Variants in NKIRAS1 observed in about 807,000 individuals in gnomAD.
The protein encoded by NKIRAS1 is NF-kappa-B inhibitor-interacting Ras-like protein 1.
NKIRAS1 carries 16 observed loss-of-function variants against 19.8 expected under a neutral mutation model. The ratio of observed to expected loss-of-function variants is 0.81; its 90% CI spans 0.55 to 1.23. NKIRAS1 has a LOEUF of 1.23. Ranked by LOEUF, NKIRAS1 falls within the 50% of genes most tolerant of loss-of-function variation. The probability of loss-of-function intolerance (pLI) is 0.00; values close to 1 mark genes in which losing one functional copy is unlikely to be tolerated. For missense variants in NKIRAS1, 184 were observed against 220.0 expected (o/e 0.84, Z 1.04); for synonymous variants, 88 against 79.0 (o/e 1.11, Z -0.61).
rs5847260 is a variant in NKIRAS1 at position 23,914,171 on chromosome 3, T to TA, written c.-140+2612dup. On this transcript the variant is annotated intron_variant, in intron 1 of 4. Coordinates refer to ENST00000425478, the MANE Select transcript of NKIRAS1 (RefSeq NM_020345.4). ...CAACCTCCTCTCTCCAACTTGAGGC[T>TA]AAAAAAAAAAAAAAACAGAGAGTAA... Among the ~76,000 whole-genome samples, 150 of 144,748 alleles carry TA rather than the reference T, an allele frequency of 1.0e-3. 2 individuals carry two copies. Among genetic ancestry groups the TA allele is most frequent in the East Asian group, 1.4e-3 (7 of 4,860 alleles). The allele number at this position is 144,748 out of a possible 152,430, so 95.0% of individuals were successfully genotyped here. A position where few individuals can be genotyped will look rare whatever the true frequency, so the allele number is the denominator to read the frequency against.
intron 1 of NKIRAS1, among the ~76,000 whole-genome samples, chr3:23,936,650 G>A (rs1376908488): frequency 1.3e-5 from 2 of 152,030 alleles, no homozygotes; most frequent in Admixed American, 6.6e-5. Flanking sequence ...GGGTTCAAGC[G>A]ATTCTCCTGC....
chr3:23,921,572 T>TGTG, upstream of NKIRAS1: 5 of 294,194 alleles, frequency 1.7e-5, no homozygotes, highest in African/African-American at 7.1e-5. Flanking sequence ...ATTATTGAGT[T>TGTG]TTTTTTTTTT....
At chr3:23,946,178 A>AGCCCCCGCGGCGGGGC in intron 1 of NKIRAS1, 1 of 985,208 alleles carries the variant, frequency 1.0e-6, no homozygotes, top group African/African-American at 1.7e-5. Flanking sequence ...GCGCCCGCTG[A>AGCCCCCGCGGCGGGGC]GCCCCCGCGG....
At chr3:23,902,361 C>T (rs1702606106) in intron 3 of NKIRAS1, among the ~76,000 whole-genome samples, 1 of 152,096 alleles carries the variant, frequency 6.6e-6, no homozygotes, top group East Asian at 1.9e-4. Context: ...CAAAAATTTA[C>T]TTTCATCAAC....
intron 3 of NKIRAS1, among the ~76,000 whole-genome samples, chr3:23,909,854 G>GTT (rs899380466): frequency 1.5e-5 from 2 of 133,424 alleles, no homozygotes; most frequent in African/African-American, 5.3e-5. Flanking sequence ...AGTTGTTTTT[G>GTT]TTTTTTTTTG....
At chr3:23,935,055 T>C (rs958457820) in intron 1 of NKIRAS1, among the ~76,000 whole-genome samples, 5 of 152,282 alleles carry the variant, frequency 3.3e-5, no homozygotes, top group African/African-American at 1.2e-4. Flanking sequence ...CTCAGTTCTT[T>C]TTATTTTTAT....
At chr3:23,912,677 A>C (rs537881237) in intron 1 of NKIRAS1, among the ~76,000 whole-genome samples, 4 of 152,316 alleles carry the variant, frequency 2.6e-5, no homozygotes, top group Admixed American at 1.3e-4. Context: ...TTGACCCAGT[A>C]ATCCCATTAC....
At chr3:23,939,699 G>T (rs561779853) in intron 1 of NKIRAS1, among the ~76,000 whole-genome samples, 2 of 152,222 alleles carry the variant, frequency 1.3e-5, no homozygotes, top group Admixed American at 6.5e-5. Flanking sequence ...AGCTGAGATC[G>T]TGCCACTGCA....
intron 1 of NKIRAS1, among the ~76,000 whole-genome samples, chr3:23,944,370 C>G (rs1301722465): frequency 6.6e-6 from 1 of 152,188 alleles, no homozygotes; most frequent in African/African-American, 2.4e-5. Context: ...ACAAGCAACA[C>G]CCATATCCCC....
At chr3:23,921,632 T>A (rs1173026348), upstream of NKIRAS1, 2 of 608,592 alleles carry the variant, frequency 3.3e-6, no homozygotes, top group African/African-American at 2.0e-5. Flanking sequence ...GGGAGTGCAG[T>A]GGGGCAATCA....
At chr3:23,945,478 C>A in intron 1 of NKIRAS1, 1 of 715,206 alleles carries the variant, frequency 1.4e-6, no homozygotes, top group Non-Finnish European at 1.8e-6. Flanking sequence ...CCCGCGACCA[C>A]CGCTGCTTCC....
chr3:23,905,080 C>T (rs1047404671), intron 3 of NKIRAS1, among the ~76,000 whole-genome samples: 6 of 152,268 alleles, frequency 3.9e-5, no homozygotes, highest in African/African-American at 1.2e-4. Flanking sequence ...CTTCCCACCT[C>T]GGCCTCCCAA....
intron 1 of NKIRAS1, among the ~76,000 whole-genome samples, chr3:23,933,881 C>G (rs1575132333): frequency 6.6e-6 from 1 of 152,158 alleles, no homozygotes; most frequent in East Asian, 1.9e-4. Context: ...GTCTCTGCTT[C>G]CAAGATGGCG....
At chr3:23,908,210 C>T (rs910523779) in intron 3 of NKIRAS1, among the ~76,000 whole-genome samples, 1 of 152,114 alleles carries the variant, frequency 6.6e-6, no homozygotes, top group Non-Finnish European at 1.5e-5. Context: ...AAAAACTCTG[C>T]TTGGGTAAAA....
At chr3:23,920,304 C>G (rs1436418192), upstream of NKIRAS1, 1 of 985,610 alleles carries the variant, frequency 1.0e-6, no homozygotes, top group African/African-American at 1.7e-5. Context: ...CATTCTTAGT[C>G]CAGTCAGTCT....
chr3:23,945,405 AGCCTGCTGTGCGCTGCACG>A (rs1049283299), intron 1 of NKIRAS1: 2 of 190,720 alleles, frequency 1.0e-5, no homozygotes, highest in African/African-American at 2.4e-5. Flanking sequence ...CTCTCGCTGC[AGCCTGCTGTGCGCTGCACG>A]GCCTGGGGCC....
chr3:23,921,905 C>G (rs1239292274), upstream of NKIRAS1: 2 of 387,096 alleles, frequency 5.2e-6, no homozygotes, highest in Non-Finnish European at 4.6e-6. Context: ...GACAGGATCT[C>G]ACTATGTTGC....
At chr3:23,903,451 G>A (rs1702714115) in intron 3 of NKIRAS1, among the ~76,000 whole-genome samples, 1 of 151,958 alleles carries the variant, frequency 6.6e-6, no homozygotes, top group Non-Finnish European at 1.5e-5. Flanking sequence ...GATAACCAAG[G>A]TTTAGCAGAC....
upstream of NKIRAS1, chr3:23,918,109 GCTGC>G: frequency 6.6e-7 from 1 of 1,516,202 alleles, no homozygotes. Flanking sequence ...GGAAGACACT[GCTGC>G]CTCAGTGTCT....
Sources: gnomAD v4.1 joint callset for allele counts (sites outside exome capture counted in the v4.1 genomes callset) on GRCh38, gnomAD v4.1.1 for gene constraint, MANE v1.5 for transcripts, NCBI Gene and HGNC (gene_info 2026-07-23, HGNC 2026-07-21) for gene names.